PIBF1: variants seen among roughly 807,000 people sequenced by gnomAD.
PIBF1 encodes the protein progesterone-induced-blocking factor 1.
Under a neutral mutation model 112.5 loss-of-function variants are expected in PIBF1, and 90 were observed. That is an observed-to-expected ratio of 0.80 (90% CI 0.67 to 0.95). The LOEUF (loss-of-function observed/expected upper bound fraction) is 0.95. Ranked by LOEUF, PIBF1 falls within the 40% of genes least tolerant of loss-of-function variation. The probability of loss-of-function intolerance (pLI) is 0.00; values close to 1 mark genes in which losing one functional copy is unlikely to be tolerated. For missense variants in PIBF1, 915 were observed against 852.3 expected (o/e 1.07, Z -0.92); for synonymous variants, 301 against 288.6 (o/e 1.04, Z -0.44).
intron 4 of PIBF1, among the ~76,000 whole-genome samples, chr13:72,797,472 G>A (rs1035487091): frequency 2.0e-5 from 3 of 152,124 alleles, no homozygotes; most frequent in African/African-American, 7.2e-5. Context: ...AATCAGGGAG[G>A]GCTTTACTAA....
intron 15 of PIBF1, among the ~76,000 whole-genome samples, chr13:72,967,810 G>A (rs1386755361): frequency 6.6e-6 from 1 of 152,180 alleles, no homozygotes; most frequent in South Asian, 2.1e-4. Flanking sequence ...ATTCAACTCA[G>A]TACTTAGTTT....
chr13:72,924,646 G>T (rs1461987225), intron 13 of PIBF1, among the ~76,000 whole-genome samples: 1 of 152,028 alleles, frequency 6.6e-6, no homozygotes, highest in Non-Finnish European at 1.5e-5. Flanking sequence ...AGCGCAGGAG[G>T]TCAAGACTGC....
intron 10 of PIBF1, among the ~76,000 whole-genome samples, chr13:72,870,688 C>A (rs1008274850): frequency 6.6e-6 from 1 of 151,928 alleles, no homozygotes; most frequent in Non-Finnish European, 1.5e-5. Context: ...GTGAATGTCC[C>A]TATCTGTTTT....
intron 10 of PIBF1, among the ~76,000 whole-genome samples, chr13:72,873,687 C>T (rs1017320507): frequency 1.1e-4 from 17 of 152,038 alleles, no homozygotes; most frequent in African/African-American, 4.1e-4. Flanking sequence ...GCCACCACAC[C>T]TGGCCTAAGA....
At chr13:73,009,456 C>T (rs951327425) in intron 17 of PIBF1, among the ~76,000 whole-genome samples, 1 of 152,118 alleles carries the variant, frequency 6.6e-6, no homozygotes, top group African/African-American at 2.4e-5. Flanking sequence ...TTTTATATCC[C>T]CAGAACCTAA....
Position 72,947,457 on chromosome 13 carries a change from T to G in PIBF1, c.1833+16190T>G, listed in dbSNP as rs899245190. Among the ~76,000 whole-genome samples the G allele has an allele frequency of 6.6e-5, 10 of 152,216 alleles. 1 individual carries two copies. Among genetic ancestry groups the G allele is most frequent in the Admixed American group, 2.0e-4 (3 of 15,284 alleles). On this transcript the variant is annotated intron_variant, in intron 14 of 17. Coordinates refer to ENST00000326291, the MANE Select transcript of PIBF1 (RefSeq NM_006346.4). ...TCTCTGACATACCCTGGAGACATTTTCACCATTGTCTTGGCAATTAACATT... is the reference window on the plus strand; with the variant it reads ...TCTCTGACATACCCTGGAGACATTTGCACCATTGTCTTGGCAATTAACATT...
At chr13:72,813,169 T>G (rs2036101561) in intron 5 of PIBF1, among the ~76,000 whole-genome samples, 1 of 152,236 alleles carries the variant, frequency 6.6e-6, no homozygotes, top group African/African-American at 2.4e-5. Context: ...CTTATTTTAC[T>G]ATTTTAAGGT....
chr13:72,784,187 TAC>T (rs754848405), intron 2 of PIBF1, among the ~76,000 whole-genome samples: 17 of 149,222 alleles, frequency 1.1e-4, no homozygotes, highest in Admixed American at 2.0e-4. Flanking sequence ...ACATGACATA[TAC>T]ACACAGTTTT....
intron 17 of PIBF1, among the ~76,000 whole-genome samples, chr13:73,004,634 G>A (rs948785282): frequency 1.1e-4 from 16 of 151,700 alleles, no homozygotes; most frequent in African/African-American, 2.2e-4. Context: ...ATATTCTTAC[G>A]TCTGACTTTG....
intron 14 of PIBF1, among the ~76,000 whole-genome samples, chr13:72,961,178 T>C (rs940344532): frequency 3.3e-5 from 5 of 152,094 alleles, no homozygotes; most frequent in African/African-American, 1.2e-4. Context: ...CCTCTAACAG[T>C]TGGTCAGCCC....
At chr13:72,792,779 A>G (rs189374452) in intron 3 of PIBF1, among the ~76,000 whole-genome samples, 184 of 152,322 alleles carry the variant, frequency 1.2e-3, no homozygotes, top group African/African-American at 4.4e-3. Flanking sequence ...TGTAAACCAT[A>G]TATGATAAAG....
chr13:72,981,233 C>G (rs1015937157), intron 16 of PIBF1, among the ~76,000 whole-genome samples: 7 of 151,420 alleles, frequency 4.6e-5, no homozygotes, highest in East Asian at 1.9e-4. Context: ...GCCTGGGTGA[C>G]AGAGCAAGAC....
chr13:72,838,854 G>A (rs116110166), intron 9 of PIBF1, among the ~76,000 whole-genome samples: 2 of 152,036 alleles, frequency 1.3e-5, no homozygotes, highest in Non-Finnish European at 2.9e-5. Context: ...GGAAATTGGG[G>A]GAATGAATAT....
At chr13:72,951,197 C>T (rs7991951) in intron 14 of PIBF1, among the ~76,000 whole-genome samples, 117,722 of 152,078 alleles carry the variant, frequency 0.77, 45,866 homozygotes, top group South Asian at 0.85. Context: ...TATTTATCTT[C>T]GGGTCGTAGG....
At chr13:72,895,986 G>A (rs932790205) in intron 11 of PIBF1, among the ~76,000 whole-genome samples, 1 of 152,132 alleles carries the variant, frequency 6.6e-6, no homozygotes, top group African/African-American at 2.4e-5. Flanking sequence ...AACTGGGTGA[G>A]GCCTGTGACT....
At position 72,975,763 on chromosome 13, in the gene PIBF1, T is replaced by G. The variant is rs560131423; in HGVS notation, c.2049+2088T>G. On this transcript the variant is annotated intron_variant, in intron 16 of 17. Transcript: ENST00000326291. ...TCTAGACCTTATCCATCACCGCTGCTGTCACTTATGTCCTAGGATTCTGCT... is the reference window on the plus strand; with the variant it reads ...TCTAGACCTTATCCATCACCGCTGCGGTCACTTATGTCCTAGGATTCTGCT... Among the ~76,000 whole-genome samples, 6 of 152,350 alleles carry G rather than the reference T, an allele frequency of 3.9e-5. No homozygotes were observed. In the East Asian group the frequency reaches 1.2e-3, roughly 29 times the overall value.
At chr13:72,808,868 AAAT>A (rs1332005473) in intron 5 of PIBF1, among the ~76,000 whole-genome samples, 13 of 152,210 alleles carry the variant, frequency 8.5e-5, no homozygotes, top group African/African-American at 3.1e-4. Flanking sequence ...AAACTCACCT[AAAT>A]GCTGAAAATG....
rs199597588 is a variant in PIBF1 at position 73,015,518 on chromosome 13, ATATC to A, written c.2224-347_2224-344del. 8.5e-3 allele frequency among the ~76,000 whole-genome samples: 1,296 copies of A among 152,320 alleles called. 64 individuals are homozygous for A. Among genetic ancestry groups the A allele is most frequent in the East Asian group, 9.3e-3 (48 of 5,182 alleles). ...TAATAAATATCTATTGAGTGAATGAATATCTATTATCTATATAGATGAGACAACT... is the reference window on the plus strand; with the variant it reads ...TAATAAATATCTATTGAGTGAATGAATATTATCTATATAGATGAGACAACT... On this transcript the variant is annotated intron_variant, in intron 17 of 17. Transcript: ENST00000326291.
chr13:72,952,035 C>CTTTTTTTTTTTTTTTTTTTTTTTT (rs67211238), intron 14 of PIBF1, among the ~76,000 whole-genome samples: 3 of 123,000 alleles, frequency 2.4e-5, no homozygotes, highest in Admixed American at 8.8e-5. Flanking sequence ...TTTCTTTTCT[C>CTTTTTTTTTTTTTTTTTTTTTTTT]TTTTTTTTTT....
Sources: allele counts gnomAD v4.1 joint callset (sites outside exome capture counted in the v4.1 genomes callset), GRCh38; gene constraint gnomAD v4.1.1; transcripts MANE v1.5; gene names NCBI Gene and HGNC (gene_info 2026-07-23, HGNC 2026-07-21).